The following TRHDE variants were observed in gnomAD, a reference collection of about 807,000 sequenced individuals.
The protein encoded by TRHDE is thyrotropin releasing hormone degrading enzyme, also known as thyrotropin-releasing hormone-degrading ectoenzyme.
A neutral mutation model predicts 125.7 loss-of-function variants in TRHDE; 72 were observed. That is an observed-to-expected ratio of 0.57 (90% CI 0.47 to 0.70). The LOEUF is 0.70. Ranked by LOEUF, TRHDE falls within the 30% of genes least tolerant of loss-of-function variation. The pLI, the probability that TRHDE is intolerant of heterozygous loss-of-function variation, is 0.00. For missense variants in TRHDE, 1,110 were observed against 1,327.1 expected (o/e 0.84, Z 2.54); for synonymous variants, 509 against 509.1 (o/e 1.00, Z 0.00).
intron 6 of TRHDE, among the ~76,000 whole-genome samples, chr12:72,523,935 G>A (rs371450666): frequency 1.1e-4 from 17 of 152,112 alleles, no homozygotes; most frequent in East Asian, 9.6e-4. Flanking sequence ...AGCAGAAGCC[G>A]GAAGTGAAAG....
At position 72,619,030 on chromosome 12, in the gene TRHDE, A is replaced by G; in HGVS notation, c.2461A>G (p.Ile821Val). Residue 821 changes from isoleucine (I) to valine (V), a missense_variant, in exon 13 of 19, where the codon ATT (isoleucine) becomes GTT (valine). This residue lies in a region of TRHDE where 527 missense variants were observed against 651.8 expected (regional missense o/e 0.81). Coordinates refer to ENST00000261180, the MANE Select transcript of TRHDE (RefSeq NM_013381.3). ...ACTGGACCGCATGGAAAACTACAAC[A>G]TTTTCAATGTAAAAAGATATAATTT... ...KLLDRMENYNIFNEYILKQVA... is the reference protein window; with the variant it reads ...KLLDRMENYNVFNEYILKQVA... 1 of 1,551,634 alleles carries G rather than the reference A, an allele frequency of 6.4e-7. No individual in the cohort carries two copies. The highest frequency in any genetic ancestry group is 8.7e-7 in the Non-Finnish European group (1 of 1,154,020).
chr12:72,339,628 C>T (rs899352500), intron 2 of TRHDE, among the ~76,000 whole-genome samples: 2 of 152,060 alleles, frequency 1.3e-5, no homozygotes, highest in Admixed American at 6.6e-5. Context: ...ATTCCTTCTG[C>T]CTGAAAACAG....
chr12:72,421,501 C>T (rs1873952154), intron 3 of TRHDE, among the ~76,000 whole-genome samples: 1 of 152,174 alleles, frequency 6.6e-6, no homozygotes, highest in Non-Finnish European at 1.5e-5. Context: ...TGTCTGAGAA[C>T]CAAGGCAGGA....
At chr12:72,529,134 A>G (rs1868413963) in intron 6 of TRHDE, among the ~76,000 whole-genome samples, 1 of 152,138 alleles carries the variant, frequency 6.6e-6, no homozygotes, top group Admixed American at 6.6e-5. Context: ...CTCTGGAGAT[A>G]GATCATGGTG....
intron 5 of TRHDE, among the ~76,000 whole-genome samples, 170 bp downstream of exon 5, chr12:72,473,350 CT>C (rs1378522227): frequency 6.6e-6 from 1 of 152,102 alleles, no homozygotes; most frequent in Non-Finnish European, 1.5e-5. Context: ...TCATCTTTTA[CT>C]TATTAGGAAC....
intron 12 of TRHDE, among the ~76,000 whole-genome samples, chr12:72,600,920 T>C (rs1356925545): frequency 6.6e-6 from 1 of 152,102 alleles, no homozygotes; most frequent in Non-Finnish European, 1.5e-5. Context: ...GTTGTTTTCA[T>C]GCTTGCTAAC....
chr12:72,287,768 A>T (rs1347274809), intron 2 of TRHDE, among the ~76,000 whole-genome samples: 1 of 152,108 alleles, frequency 6.6e-6, no homozygotes, highest in Non-Finnish European at 1.5e-5. Flanking sequence ...ATTCTCTTTG[A>T]TGGCTATCAT....
At chr12:72,201,398 G>A (rs1877556664) in intron 2 of TRHDE, among the ~76,000 whole-genome samples, 2 of 151,972 alleles carry the variant, frequency 1.3e-5, no homozygotes, top group African/African-American at 2.4e-5. Flanking sequence ...AATATTTTTG[G>A]CTAAGATTTT....
At chr12:72,283,423 T>C (rs926771027) in intron 1 of TRHDE, among the ~76,000 whole-genome samples, 1 of 152,178 alleles carries the variant, frequency 6.6e-6, no homozygotes, top group African/African-American at 2.4e-5. Flanking sequence ...TGAAATTCAA[T>C]TGCAATCATC....
chr12:72,649,824 CAATG>C (rs1454483216), intron 15 of TRHDE, among the ~76,000 whole-genome samples: 2 of 151,876 alleles, frequency 1.3e-5, no homozygotes, highest in African/African-American at 4.8e-5. Context: ...ATGAAAATCA[CAATG>C]AAATATCACC....
chr12:72,193,911 T>A (rs1052660618), intron 2 of TRHDE, among the ~76,000 whole-genome samples: 1 of 152,110 alleles, frequency 6.6e-6, no homozygotes, highest in Non-Finnish European at 1.5e-5. Context: ...ATGTAACATC[T>A]CTTGAAAAAC....
At chr12:72,351,343 T>C (rs1052520522) in intron 2 of TRHDE, among the ~76,000 whole-genome samples, 4 of 151,950 alleles carry the variant, frequency 2.6e-5, no homozygotes, top group African/African-American at 7.2e-5. Context: ...CTAAAAGTGT[T>C]CTTTATCACA....
intron 6 of TRHDE, among the ~76,000 whole-genome samples, chr12:72,502,284 C>A (rs1188695137): frequency 1.3e-5 from 2 of 151,916 alleles, no homozygotes; most frequent in African/African-American, 4.8e-5. Context: ...CCATTTTAAG[C>A]CTTTATTCAG....
intron 2 of TRHDE, among the ~76,000 whole-genome samples, chr12:72,266,356 A>G (rs1879069151): frequency 6.6e-6 from 1 of 151,846 alleles, no homozygotes; most frequent in South Asian, 2.1e-4. Context: ...ATATTTTTGG[A>G]TGCATTGAAG....
At chr12:72,305,727 G>A (rs1009324393) in intron 2 of TRHDE, among the ~76,000 whole-genome samples, 1 of 152,196 alleles carries the variant, frequency 6.6e-6, no homozygotes, top group African/African-American at 2.4e-5. Context: ...CAACTCATCA[G>A]TAGTGAGATT....
chr12:72,349,027 T>C (rs1261838595), intron 2 of TRHDE, among the ~76,000 whole-genome samples: 1 of 152,088 alleles, frequency 6.6e-6, no homozygotes, highest in Admixed American at 6.6e-5. Context: ...CTGACATGTT[T>C]CTAGCTTGAG....
chr12:72,191,896 C>T (rs1054775414), intron 2 of TRHDE, among the ~76,000 whole-genome samples: 1 of 152,048 alleles, frequency 6.6e-6, no homozygotes, highest in African/African-American at 2.4e-5. Flanking sequence ...CAGAATCCTC[C>T]CACTGAAGTT....
intron 3 of TRHDE, among the ~76,000 whole-genome samples, chr12:72,421,820 A>C (rs1873967385): frequency 6.6e-6 from 1 of 152,164 alleles, no homozygotes; most frequent in Non-Finnish European, 1.5e-5. Flanking sequence ...AGACTCATCT[A>C]TGTTGGTAGA....
At chr12:72,281,220 T>C (rs1222711372) in intron 1 of TRHDE, among the ~76,000 whole-genome samples, 1 of 152,212 alleles carries the variant, frequency 6.6e-6, no homozygotes, top group Non-Finnish European at 1.5e-5. Flanking sequence ...GCTTATAGTA[T>C]TGAATATTCA....
Sources: allele counts gnomAD v4.1 joint callset (sites outside exome capture counted in the v4.1 genomes callset), GRCh38; gene constraint gnomAD v4.1.1; regional missense constraint gnomAD v4.1.1; transcripts MANE v1.5; gene names NCBI Gene and HGNC (gene_info 2026-07-23, HGNC 2026-07-21).